Variants in ITGA6 observed in about 807,000 individuals in gnomAD.
ITGA6 encodes the protein integrin alpha-6.
ITGA6 carries 63 observed loss-of-function variants against 133.6 expected under a neutral mutation model. That is an observed-to-expected ratio of 0.47 (90% CI 0.38 to 0.58). The LOEUF (loss-of-function observed/expected upper bound fraction) is 0.58. Ranked by LOEUF, ITGA6 falls within the 20% of genes least tolerant of loss-of-function variation. ITGA6 has a pLI of 0.00. For synonymous variants in ITGA6, 434 were observed against 482.0 expected, an observed-to-expected ratio of 0.90 and a Z score of 1.30; for missense variants, 1,068 against 1,309.4, an observed-to-expected ratio of 0.82 and a Z score of 2.85.
chr2:172,463,301 G>A (rs905797371), intron 1 of ITGA6, among the ~76,000 whole-genome samples: 3 of 152,190 alleles, frequency 2.0e-5, no homozygotes, highest in Admixed American at 2.0e-4. Context: ...AAGACACACA[G>A]TTAAGACAAT....
chr2:172,451,792 G>A (rs1218914994), intron 1 of ITGA6, among the ~76,000 whole-genome samples: 1 of 152,074 alleles, frequency 6.6e-6, no homozygotes, highest in African/African-American at 2.4e-5. Context: ...TTGCTGTCGT[G>A]ATCGACCCTT....
intron 23 of ITGA6, among the ~76,000 whole-genome samples, chr2:172,492,607 A>G (rs997933111): frequency 2.0e-4 from 31 of 152,140 alleles, no homozygotes; most frequent in Non-Finnish European, 2.4e-4. Flanking sequence ...AGAACCTTGT[A>G]GTGAACCAAT....
At chr2:172,488,559 G>C (rs1686788492) in intron 19 of ITGA6, among the ~76,000 whole-genome samples, 1 of 152,192 alleles carries the variant, frequency 6.6e-6, no homozygotes, top group Admixed American at 6.5e-5. Context: ...CCCAGTTTTT[G>C]TGGTGAATGT....
At chr2:172,490,811 ATTAC>A in intron 20 of ITGA6, 2 of 502,098 alleles carry the variant, frequency 4.0e-6, no homozygotes, top group Non-Finnish European at 7.3e-6. Flanking sequence ...GTGGGAATGA[ATTAC>A]TTAGTCCTAT....
chr2:172,485,367 C>A, intron 13 of ITGA6, 103 bp downstream of exon 13: 1 of 1,032,632 alleles, frequency 9.7e-7, no homozygotes, highest in Non-Finnish European at 1.5e-6. Flanking sequence ...CTTTAAAGGC[C>A]ATTCTTTTGT....
At chr2:172,472,574 G>A (rs760992032) in intron 5 of ITGA6, among the ~76,000 whole-genome samples, 25 of 152,192 alleles carry the variant, frequency 1.6e-4, no homozygotes, top group Non-Finnish European at 2.2e-4. Context: ...TCTGTACTGT[G>A]TGGAATCTGT....
chr2:172,480,052 G>GT lies in ITGA6; in HGVS notation c.1549+2dup. 6.7e-7 allele frequency: 1 copy of GT among 1,502,864 alleles called. No homozygotes were observed. The highest frequency in any genetic ancestry group is 9.3e-7 in the Non-Finnish European group (1 of 1,078,832). The allele number at this position is 1,502,864 out of a possible 1,614,324, so 93.1% of individuals were successfully genotyped here. Reference sequence around the variant, plus strand: ...CCCGCTGGTTATAATCCTTCAATATGTAAGTACCTAGTACCTTTAAAATAT... The same window carrying GT: ...CCCGCTGGTTATAATCCTTCAATATGTTAAGTACCTAGTACCTTTAAAATAT... On this transcript the variant is annotated splice_donor_variant, in intron 11 of 25. Coordinates refer to ENST00000684293, the MANE Select transcript of ITGA6 (RefSeq NM_000210.4). LOFTEE classifies it high-confidence loss of function.
intron 5 of ITGA6, among the ~76,000 whole-genome samples, chr2:172,472,305 C>T (rs1184960529): frequency 6.6e-6 from 1 of 152,202 alleles, no homozygotes; most frequent in Non-Finnish European, 1.5e-5. Context: ...GTCTGGGCAA[C>T]AGAGCAGGAC....
At position 172,483,752 on chromosome 2, in the gene ITGA6, T is replaced by C. The variant is rs550268680; in HGVS notation, c.1550-1030T>C. 1.4e-4 allele frequency among the ~76,000 whole-genome samples: 22 copies of C among 152,336 alleles called. No individual in the cohort carries two copies. The East Asian group carries it at 4.2e-3, about 29-fold the overall frequency. On this transcript the variant is annotated intron_variant, in intron 11 of 25. Transcript: ENST00000684293. ...TTTGGTTGTGGGAGCTATATTATGC[T>C]GACCGACAGGCCCTCCATCCACTCA...
Position 172,474,964 on chromosome 2 carries a change from T to G in ITGA6, c.1022T>G (p.Phe341Cys), listed in dbSNP as rs953673940. The G allele has an allele frequency of 6.3e-6, 10 of 1,588,532 alleles. No individual in the cohort carries two copies. The highest frequency in any genetic ancestry group is 8.6e-6 in the Non-Finnish European group (10 of 1,156,694). ...QDIVIGAPQY[F>C]DRDGEVGGAV... ...ATAGTTATTGGAGCCCCACAGTATT[T>G]TGATAGAGATGGAGAAGTTGGAGGT... The change falls in exon 7 of 26, where the codon TTT (phenylalanine) becomes TGT (cysteine). Residue 341 changes from phenylalanine (F) to cysteine (C), a missense_variant. Phe to Cys is a radical substitution (Grantham distance 205, BLOSUM62 -2). This residue lies in a region of ITGA6 where 317 missense variants were observed against 456.9 expected (regional missense o/e 0.69). Transcript: ENST00000684293.
chr2:172,474,242 G>T lies in ITGA6; in HGVS notation c.963G>T (p.Ala321=). Residue 321 remains alanine, a synonymous_variant, in exon 6 of 26, where the codon GCG becomes GCT. Transcript: ENST00000684293. ...GLASSFGYDV[A]VVDLNKDGWQ... is the part of the protein sequence containing the mutation. ...CCTCTTCATTTGGCTATGATGTGGC[G>T]GTGGTGGACCTCAACAAGGATGGGT... 1 of 1,614,010 alleles carries T rather than the reference G, an allele frequency of 6.2e-7. No homozygotes were observed.
At chr2:172,499,599 C>T (rs1434896583) in intron 24 of ITGA6, among the ~76,000 whole-genome samples, 2 of 152,170 alleles carry the variant, frequency 1.3e-5, no homozygotes, top group Non-Finnish European at 2.9e-5. Flanking sequence ...TGGGCTCAAG[C>T]AATCCTCCTG....
rs949702549 is a variant in ITGA6, at chr2:172,485,337, G to A, written c.1854+73G>A. The A allele has an allele frequency of 8.6e-5, 112 of 1,296,446 alleles. No individual in the cohort carries two copies. The Middle Eastern group carries it at 1.2e-3, about 14-fold the overall frequency. 80.3% of individuals were successfully genotyped at this position (1,296,446 alleles called of 1,614,324 possible). ...GATGCTAAATCAAATGTCTTTGAAGGGAATAGAACTAGTGATTTGCTTTAA... is the reference window on the plus strand; with the variant it reads ...GATGCTAAATCAAATGTCTTTGAAGAGAATAGAACTAGTGATTTGCTTTAA... On this transcript the variant is annotated intron_variant, in intron 13 of 25. Coordinates refer to ENST00000684293, the MANE Select transcript of ITGA6 (RefSeq NM_000210.4).
chr2:172,438,403 T>C (rs1684411305), intron 1 of ITGA6, among the ~76,000 whole-genome samples: 1 of 151,716 alleles, frequency 6.6e-6, no homozygotes, highest in South Asian at 2.1e-4. Flanking sequence ...GGTTTTTCCA[T>C]TGCTTCTAAT....
At chr2:172,489,340 C>G in intron 19 of ITGA6, 145 bp from the exon 20 acceptor site, 2 of 675,030 alleles carry the variant, frequency 3.0e-6, no homozygotes, top group Non-Finnish European at 5.2e-6. Flanking sequence ...TTTGAATGCC[C>G]TATCTATAGT....
chr2:172,441,710 G>C (rs1456552395), intron 1 of ITGA6, among the ~76,000 whole-genome samples: 3 of 151,196 alleles, frequency 2.0e-5, no homozygotes, highest in African/African-American at 7.3e-5. Context: ...TTTTCCACTT[G>C]TAGAAGTTGG....
chr2:172,500,242 GAAA>G (rs59877896), intron 24 of ITGA6, among the ~76,000 whole-genome samples: 4 of 141,206 alleles, frequency 2.8e-5, no homozygotes. Context: ...GTTTGCAGGT[GAAA>G]AAAAAAAAAG....
chr2:172,462,545 C>T (rs1076597), intron 1 of ITGA6, among the ~76,000 whole-genome samples: 50,650 of 152,122 alleles, frequency 0.33, 9,439 homozygotes, highest in East Asian at 0.81. Flanking sequence ...AGGACCTCTT[C>T]TGCAAGAGCT....
chr2:172,465,624 G>GC lies in ITGA6; in HGVS notation c.271dup (p.Arg91ProfsTer10). The GC allele has an allele frequency of 6.2e-7, 1 of 1,614,212 alleles. No individual in the cohort carries two copies. The highest frequency in any genetic ancestry group is 8.5e-7 in the Non-Finnish European group (1 of 1,180,028). On this transcript the variant is annotated frameshift_variant, in exon 2 of 26. Coordinates refer to ENST00000684293, the MANE Select transcript of ITGA6 (RefSeq NM_000210.4). LOFTEE classifies it high-confidence loss of function. ...AGGGCTGTACAGCTGCGACATCACC[G>GC]CCCGGGGGCCATGCACGCGGATCGA...
Sources: gnomAD v4.1 joint callset for allele counts (sites outside exome capture counted in the v4.1 genomes callset) on GRCh38, gnomAD v4.1.1 for gene constraint, gnomAD v4.1.1 regional missense constraint, MANE v1.5 for transcripts, NCBI Gene and HGNC (gene_info 2026-07-23, HGNC 2026-07-21) for gene names.